The following RBFOX1 variants were observed in gnomAD, a reference collection of about 807,000 sequenced individuals.
RBFOX1 encodes the protein RNA binding fox-1 homolog 1, also known as RNA binding protein fox-1 homolog 1.
RBFOX1 carries 8 observed loss-of-function variants against 57.7 expected under a neutral mutation model. The ratio of observed to expected loss-of-function variants is 0.14; its 90% CI spans 0.08 to 0.25. The LOEUF is 0.25. RBFOX1 is among the 10% of genes least tolerant of loss of function. RBFOX1 has a pLI of 1.00. For synonymous variants in RBFOX1, 326 were observed against 222.4 expected, an observed-to-expected ratio of 1.47 and a Z score of -4.15; for missense variants, 611 against 548.5, an observed-to-expected ratio of 1.11 and a Z score of -1.14.
intron 5 of RBFOX1, among the ~76,000 whole-genome samples, chr16:7,543,667 C>CTGTGTGTG (rs71150310): frequency 2.6e-4 from 37 of 141,518 alleles, no homozygotes; most frequent in East Asian, 8.5e-4. Flanking sequence ...TGGGCAGTAT[C>CTGTGTGTG]TGTGTGTGTG....
rs563943095 is a variant in RBFOX1, at chr16:5,637,023, G to A, written c.318+38062G>A. On this transcript the variant is annotated intron_variant, in intron 3 of 19. Coordinates refer to the RBFOX1 transcript ENST00000641259. ...TCGGGCCCCTCAGGCTTCAAGGGGT[G>A]AAGCTCTGCTCACTAATCATAATGC... is the stretch of plus-strand genomic sequence containing the variant. Among the ~76,000 whole-genome samples, 106 of 152,304 alleles carry A rather than the reference G, an allele frequency of 7.0e-4. 2 individuals are homozygous for A. The South Asian group carries it at 0.02, about 28-fold the overall frequency.
At chr16:5,588,048 T>C (rs1030655856) in intron 2 of RBFOX1, among the ~76,000 whole-genome samples, 1 of 152,262 alleles carries the variant, frequency 6.6e-6, no homozygotes, top group Non-Finnish European at 1.5e-5. Flanking sequence ...GCATCCCTGA[T>C]GCCTGCTGTA....
chr16:7,190,131 C>T lies in RBFOX1; in HGVS notation c.27+138033C>T, dbSNP rs141761285. On this transcript the variant is annotated intron_variant, in intron 4 of 15. Coordinates refer to ENST00000550418, the MANE Select transcript of RBFOX1 (RefSeq NM_018723.4). ...ATCCCAGAACTTTGGGAGGCCAAGG[C>T]GGGCAGATTGTTCTAGGTCAGGAGT... Among the ~76,000 whole-genome samples the T allele has an allele frequency of 2.6e-3, 393 of 152,214 alleles. 1 individual carries two copies. The highest frequency in any genetic ancestry group is 8.8e-3 in the African/African-American group (367 of 41,532).
chr16:7,056,516 A>G (rs940039107), intron 4 of RBFOX1, among the ~76,000 whole-genome samples: 3 of 152,158 alleles, frequency 2.0e-5, no homozygotes, highest in African/African-American at 7.2e-5. Flanking sequence ...ACCATATCCA[A>G]TTATCAACAT....
intron 4 of RBFOX1, among the ~76,000 whole-genome samples, chr16:7,398,582 A>G (rs1457336102): frequency 6.6e-6 from 1 of 152,246 alleles, no homozygotes; most frequent in Non-Finnish European, 1.5e-5. Flanking sequence ...CCAGTGTGAC[A>G]AATGCCACCT....
chr16:7,076,475 G>A (rs563876322), intron 4 of RBFOX1, among the ~76,000 whole-genome samples: 1 of 152,084 alleles, frequency 6.6e-6, no homozygotes, highest in African/African-American at 2.4e-5. Flanking sequence ...AGATTTCTTG[G>A]TGGAAGTGTA....
chr16:6,158,370 T>C (rs146436207), intron 1 of RBFOX1, among the ~76,000 whole-genome samples: 87 of 152,312 alleles, frequency 5.7e-4, no homozygotes, highest in Middle Eastern at 3.4e-3. Flanking sequence ...GGGTTCAGCT[T>C]GTTAGTCAAT....
At chr16:7,481,456 C>T (rs1599557691) in intron 4 of RBFOX1, among the ~76,000 whole-genome samples, 4 of 152,116 alleles carry the variant, frequency 2.6e-5, no homozygotes, top group African/African-American at 9.7e-5. Context: ...ATTGGGATGC[C>T]TCTGTAGTGC....
intron 10 of RBFOX1, among the ~76,000 whole-genome samples, chr16:7,608,031 GTCAC>G (rs2056690412): frequency 6.6e-6 from 1 of 152,164 alleles, no homozygotes; most frequent in Non-Finnish European, 1.5e-5. Context: ...GGCTTGGCCC[GTCAC>G]TACTGCCTGT....
chr16:6,348,901 G>T (rs566672839), intron 2 of RBFOX1, among the ~76,000 whole-genome samples: 16 of 152,292 alleles, frequency 1.1e-4, no homozygotes, highest in African/African-American at 3.6e-4. Flanking sequence ...AGGAAAAGCA[G>T]ATTTCAGGTG....
chr16:6,430,062 C>T (rs1311624576), intron 2 of RBFOX1, among the ~76,000 whole-genome samples: 1 of 151,730 alleles, frequency 6.6e-6, no homozygotes, highest in Non-Finnish European at 1.5e-5. Flanking sequence ...GAGCCTAGAT[C>T]ACGTCACTGC....
intron 4 of RBFOX1, among the ~76,000 whole-genome samples, chr16:7,272,267 C>T (rs2095337265): frequency 6.6e-6 from 1 of 152,188 alleles, no homozygotes; most frequent in African/African-American, 2.4e-5. Flanking sequence ...TCACTGCAAC[C>T]TCCACCTCCC....
At chr16:7,096,089 T>C (rs1308875152) in intron 4 of RBFOX1, among the ~76,000 whole-genome samples, 1 of 151,940 alleles carries the variant, frequency 6.6e-6, no homozygotes, top group Non-Finnish European at 1.5e-5. Context: ...TTGTGTGTGC[T>C]AAGTTCTGAC....
intron 9 of RBFOX1, among the ~76,000 whole-genome samples, chr16:7,600,832 G>T (rs1219769173): frequency 6.6e-6 from 1 of 152,266 alleles, no homozygotes. Context: ...TAACATGGAG[G>T]GTGTAGATAC....
intron 3 of RBFOX1, among the ~76,000 whole-genome samples, chr16:6,977,067 C>T (rs1023717737): frequency 7.2e-5 from 10 of 139,036 alleles, no homozygotes; most frequent in African/African-American, 2.3e-4. Context: ...ATGAGATATA[C>T]TTTATCATAT....
chr16:7,652,754 G>A (rs958509623), intron 11 of RBFOX1, among the ~76,000 whole-genome samples: 1 of 152,164 alleles, frequency 6.6e-6, no homozygotes, highest in South Asian at 2.1e-4. Flanking sequence ...TCGCGTATTT[G>A]TAATCATGCT....
At chr16:6,368,646 T>C (rs1278207349) in intron 2 of RBFOX1, among the ~76,000 whole-genome samples, 1 of 152,258 alleles carries the variant, frequency 6.6e-6, no homozygotes, top group Non-Finnish European at 1.5e-5. Context: ...TTTATCTATT[T>C]TACCACTTTG....
chr16:6,062,075 T>C (rs1424119), intron 1 of RBFOX1, among the ~76,000 whole-genome samples: 97,806 of 151,944 alleles, frequency 0.64, 32,211 homozygotes, highest in Non-Finnish European at 0.73. Flanking sequence ...TAAAGGATAT[T>C]ACAATGGATA....
intron 3 of RBFOX1, among the ~76,000 whole-genome samples, chr16:6,951,283 G>A (rs1376902254): frequency 6.6e-6 from 1 of 152,076 alleles, no homozygotes; most frequent in Non-Finnish European, 1.5e-5. Flanking sequence ...TCTTCTGAGG[G>A]GTCAGTTTCA....
Sources: gnomAD v4.1 joint callset for allele counts (sites outside exome capture counted in the v4.1 genomes callset) on GRCh38, gnomAD v4.1.1 for gene constraint, MANE v1.5 for transcripts, NCBI Gene and HGNC (gene_info 2026-07-23, HGNC 2026-07-21) for gene names.